CLVS1: variants seen among roughly 807,000 people sequenced by gnomAD.
The protein encoded by CLVS1 is clavesin 1, also known as clavesin-1.
In CLVS1, 10 loss-of-function variants were observed where a neutral mutation model predicts 33.1. The ratio of observed to expected loss-of-function variants is 0.30; its 90% CI spans 0.19 to 0.51. CLVS1 has a LOEUF of 0.51. Among genes scored for constraint, CLVS1 ranks in the 20% least tolerant of loss-of-function variants. The pLI, the probability that CLVS1 is intolerant of heterozygous loss-of-function variation, is 0.97. For missense variants in CLVS1, 343 were observed against 433.4 expected, an observed-to-expected ratio of 0.79 and a Z score of 1.85; for synonymous variants, 163 against 166.1, an observed-to-expected ratio of 0.98 and a Z score of 0.14.
At chr8:61,337,783 G>T (rs1171223718) in intron 2 of CLVS1, among the ~76,000 whole-genome samples, 1 of 152,204 alleles carries the variant, frequency 6.6e-6, no homozygotes, top group East Asian at 1.9e-4. Context: ...AAGGGAGTGT[G>T]GCAGGGCGGG....
intron 2 of CLVS1, among the ~76,000 whole-genome samples, chr8:61,270,939 A>G (rs1262466092): frequency 1.3e-5 from 2 of 151,154 alleles, no homozygotes; most frequent in Non-Finnish European, 2.9e-5. Flanking sequence ...CGGTCTATCA[A>G]TTTTGTTGAT....
intron 2 of CLVS1, among the ~76,000 whole-genome samples, chr8:61,244,786 A>T: frequency 6.6e-6 from 1 of 152,218 alleles, no homozygotes; most frequent in East Asian, 1.9e-4. Flanking sequence ...TTTTCTGTAA[A>T]CCTAAAACTG....
intron 2 of CLVS1, among the ~76,000 whole-genome samples, chr8:61,171,564 C>G (rs1012619821): frequency 7.2e-5 from 11 of 152,096 alleles, no homozygotes; most frequent in Non-Finnish European, 1.2e-4. Flanking sequence ...CTCCAACTCT[C>G]CATATGGCTT....
At chr8:61,304,559 G>A (rs1247235293) in intron 2 of CLVS1, among the ~76,000 whole-genome samples, 4 of 152,182 alleles carry the variant, frequency 2.6e-5, no homozygotes, top group African/African-American at 9.7e-5. Flanking sequence ...GGTATGTAAC[G>A]GAGACCTAGG....
At chr8:61,027,272 A>T in the CLVS1 span, among the ~76,000 whole-genome samples, 2 of 152,194 alleles carry the variant, frequency 1.3e-5, no homozygotes, top group Admixed American at 6.5e-5. Context: ...GTGCATTAAA[A>T]TGGATCCTGT....
intron 1 of CLVS1, among the ~76,000 whole-genome samples, chr8:61,125,855 G>T (rs1405046246): frequency 6.6e-6 from 1 of 152,124 alleles, no homozygotes. Context: ...ATGTATTTTA[G>T]TTTGATTTTT....
the CLVS1 span, among the ~76,000 whole-genome samples, chr8:60,992,254 A>G: frequency 1.3e-5 from 2 of 152,256 alleles, no homozygotes; most frequent in African/African-American, 4.8e-5. Context: ...AAACTCCATG[A>G]GAGCACAGTT....
At chr8:61,240,143 C>T (rs1253562787) in intron 2 of CLVS1, among the ~76,000 whole-genome samples, 1 of 152,230 alleles carries the variant, frequency 6.6e-6, no homozygotes, top group Non-Finnish European at 1.5e-5. Context: ...GATGAGATTA[C>T]ATTGGAGAGG....
intron 2 of CLVS1, among the ~76,000 whole-genome samples, chr8:61,254,909 T>C (rs1809042779): frequency 6.6e-6 from 1 of 152,182 alleles, no homozygotes; most frequent in African/African-American, 2.4e-5. Context: ...TCAGACTTGG[T>C]GCACTGCACC....
At chr8:61,026,373 A>G in the CLVS1 span, among the ~76,000 whole-genome samples, 1 of 152,216 alleles carries the variant, frequency 6.6e-6, no homozygotes, top group Non-Finnish European at 1.5e-5. Flanking sequence ...CTGTGAGACA[A>G]TAAATGTCTG....
At chr8:61,408,439 C>G (rs76894376) in intron 3 of CLVS1, among the ~76,000 whole-genome samples, 5 of 152,312 alleles carry the variant, frequency 3.3e-5, no homozygotes, top group African/African-American at 1.2e-4. Flanking sequence ...AGCTGCCCAA[C>G]TCACCTGCCC....
At chr8:61,157,391 G>A (rs1806671319) in intron 2 of CLVS1, among the ~76,000 whole-genome samples, 1 of 152,132 alleles carries the variant, frequency 6.6e-6, no homozygotes, top group South Asian at 2.1e-4. Flanking sequence ...AGAATCAACT[G>A]AAGATGAATC....
chr8:61,291,834 G>A (rs1038813744), intron 1 of CLVS1, among the ~76,000 whole-genome samples: 3 of 152,116 alleles, frequency 2.0e-5, no homozygotes, highest in Non-Finnish European at 1.5e-5. Flanking sequence ...CACATTGTGG[G>A]TACTTTTATG....
chr8:61,117,418 A>C lies in CLVS1; in HGVS notation c.-242-14352A>C, dbSNP rs533262886. On this transcript the variant is annotated intron_variant, in intron 1 of 2. Coordinates refer to the CLVS1 transcript ENST00000522621. The stretch of plus-strand genomic sequence containing the variant: ...AACTTTCAACACTATGTTGAATAGG[A>C]GTGGTGAGAGAGGGCATCCCTGTCT... 3.3e-4 allele frequency among the ~76,000 whole-genome samples: 50 copies of C among 151,918 alleles called. No homozygotes were observed. The East Asian group carries it at 9.7e-3, about 29-fold the overall frequency.
At chr8:61,177,812 A>G (rs1563432624) in intron 2 of CLVS1, among the ~76,000 whole-genome samples, 1 of 152,170 alleles carries the variant, frequency 6.6e-6, no homozygotes, top group Non-Finnish European at 1.5e-5. Flanking sequence ...CAAAAAAAAA[A>G]AAAAGTCCCC....
At chr8:61,353,318 T>C (rs548926892) in intron 2 of CLVS1, among the ~76,000 whole-genome samples, 5 of 151,998 alleles carry the variant, frequency 3.3e-5, no homozygotes, top group Non-Finnish European at 5.9e-5. Context: ...CCTTAACAAA[T>C]TAAAATAAAT....
At chr8:61,187,229 C>T (rs936820941) in intron 2 of CLVS1, among the ~76,000 whole-genome samples, 3 of 151,986 alleles carry the variant, frequency 2.0e-5, no homozygotes, top group Non-Finnish European at 1.5e-5. Flanking sequence ...ATTAATTATA[C>T]AGGCAGACAA....
chr8:61,299,720 C>T lies in CLVS1; in HGVS notation c.-108C>T. The T allele has an allele frequency of 2.6e-6, 2 of 765,706 alleles. No individual in the cohort carries two copies. The highest frequency in any genetic ancestry group is 2.1e-6 in the Non-Finnish European group (1 of 477,494). 47.4% of individuals were successfully genotyped at this position (765,706 alleles called of 1,614,324 possible). A position where few individuals can be genotyped will look rare whatever the true frequency, so the allele number is the denominator to read the frequency against. ...TTGCTTCTGTTTTGGATGAACACCA[C>T]CACATAGGGCCTGAATGTGAAAGAA... On this transcript the variant is annotated 5_prime_UTR_variant, in exon 2 of 6. Coordinates refer to ENST00000325897, the MANE Select transcript of CLVS1 (RefSeq NM_173519.3).
chr8:60,968,845 T>C, the CLVS1 span, among the ~76,000 whole-genome samples: 1 of 150,708 alleles, frequency 6.6e-6, no homozygotes, highest in East Asian at 2.0e-4. Flanking sequence ...GCTGCAGTCA[T>C]GCCACTGCAC....
Sources: allele counts gnomAD v4.1 joint callset (sites outside exome capture counted in the v4.1 genomes callset), GRCh38; gene constraint gnomAD v4.1.1; transcripts MANE v1.5; gene names NCBI Gene and HGNC (gene_info 2026-07-23, HGNC 2026-07-21).